VPS54: variants seen among roughly 807,000 people sequenced by gnomAD.
VPS54 encodes the protein vacuolar protein sorting-associated protein 54.
A neutral mutation model predicts 121.5 loss-of-function variants in VPS54; 45 were observed. The ratio of observed to expected loss-of-function variants is 0.37; its 90% CI spans 0.29 to 0.47. The LOEUF is 0.47. Among genes scored for constraint, VPS54 ranks in the 20% least tolerant of loss-of-function variants. VPS54 has a pLI of 0.99. For missense variants in VPS54, 1,090 were observed against 1,131.4 expected (o/e 0.96, Z 0.52); for synonymous variants, 371 against 385.8 (o/e 0.96, Z 0.45).
At chr2:63,964,168 T>C (rs1225754742) in intron 6 of VPS54, among the ~76,000 whole-genome samples, 2 of 152,202 alleles carry the variant, frequency 1.3e-5, no homozygotes, top group Non-Finnish European at 2.9e-5. Context: ...TGGAATCCTG[T>C]CTTCTATTCC....
intron 15 of VPS54, among the ~76,000 whole-genome samples, chr2:63,919,537 C>G (rs1346141024): frequency 6.6e-6 from 1 of 151,858 alleles, no homozygotes; most frequent in African/African-American, 2.4e-5. Flanking sequence ...GTTTCAAATC[C>G]CAACTCATCA....
At chr2:63,940,620 A>G (rs1430126894) in intron 11 of VPS54, among the ~76,000 whole-genome samples, 1 of 152,200 alleles carries the variant, frequency 6.6e-6, no homozygotes, top group Non-Finnish European at 1.5e-5. Flanking sequence ...ATTGAAGGAA[A>G]TGTTTCACTA....
chr2:63,981,042 T>C (rs577270361), intron 3 of VPS54, among the ~76,000 whole-genome samples: 2 of 152,206 alleles, frequency 1.3e-5, no homozygotes, highest in South Asian at 2.1e-4. Context: ...TTAGGCTTGC[T>C]AATGAAAAAA....
At chr2:63,938,512 T>A (rs2104499699) in intron 11 of VPS54, among the ~76,000 whole-genome samples, 1 of 152,120 alleles carries the variant, frequency 6.6e-6, no homozygotes, top group African/African-American at 2.4e-5. Flanking sequence ...TCACCCAAGC[T>A]GGAGTGCAGT....
chr2:63,960,189 G>A (rs1675691179), intron 7 of VPS54, among the ~76,000 whole-genome samples: 1 of 152,066 alleles, frequency 6.6e-6, no homozygotes, highest in South Asian at 2.1e-4. Flanking sequence ...AGTGAGCTAA[G>A]AGCGCACCAC....
intron 11 of VPS54, among the ~76,000 whole-genome samples, chr2:63,942,077 A>G (rs1419603803): frequency 2.0e-5 from 3 of 151,766 alleles, no homozygotes; most frequent in African/African-American, 7.3e-5. Flanking sequence ...ATTTGAATAT[A>G]AACAATATAT....
At chr2:63,953,709 GGATA>G (rs957198592) in intron 7 of VPS54, among the ~76,000 whole-genome samples, 1 of 152,100 alleles carries the variant, frequency 6.6e-6, no homozygotes, top group Non-Finnish European at 1.5e-5. Flanking sequence ...ATAGATGGAT[GGATA>G]GATAGATACA....
chr2:63,974,853 CAT>C (rs1388099544), intron 3 of VPS54: 9 of 995,776 alleles, frequency 9.0e-6, no homozygotes, highest in Admixed American at 3.1e-5. Flanking sequence ...GGATTTTCCA[CAT>C]AGACGATCAT....
In VPS54 at chr2:63,893,223, C is replaced by T. The variant is rs1356839693; in HGVS notation, c.*207G>A. The T allele has an allele frequency of 3.2e-6, 2 of 632,358 alleles. No individual in the cohort carries two copies. The highest frequency in any genetic ancestry group is 3.6e-5 in the African/African-American group (2 of 55,092). 39.2% of individuals were successfully genotyped at this position (632,358 alleles called of 1,614,324 possible). On this transcript the variant is annotated 3_prime_UTR_variant, in exon 23 of 23. Coordinates refer to ENST00000272322, the MANE Select transcript of VPS54 (RefSeq NM_016516.3). ...AATGTTATAGACACCTGATCAGTTA[C>T]TCCTCACTGTAGGATGCACAAAAAT... is the stretch of plus-strand genomic sequence containing the variant.
At chr2:64,005,355 G>A (rs539771177) in intron 1 of VPS54, among the ~76,000 whole-genome samples, 16 of 149,060 alleles carry the variant, frequency 1.1e-4, no homozygotes, top group East Asian at 8.0e-4. Flanking sequence ...CGCCCGCCTC[G>A]GCCTCCCAAA....
At chr2:63,897,426 C>T (rs1672491950) in intron 22 of VPS54, 70 bp downstream of exon 22, 4 of 1,111,192 alleles carry the variant, frequency 3.6e-6, no homozygotes, top group Non-Finnish European at 5.2e-6. Context: ...AAGGATGGCA[C>T]AAATAATCAA....
chr2:63,912,292 T>C (rs911335576), intron 20 of VPS54, 53 bp downstream of exon 20: 20 of 1,417,938 alleles, frequency 1.4e-5, no homozygotes, highest in African/African-American at 1.0e-4. Context: ...CCTTATAAAA[T>C]AGAAAATCAT....
intron 22 of VPS54, among the ~76,000 whole-genome samples, chr2:63,894,747 A>G (rs1237113010): frequency 1.3e-5 from 2 of 152,190 alleles, no homozygotes; most frequent in East Asian, 1.9e-4. Context: ...ACAGCAGTCA[A>G]AAACAGACTA....
At chr2:64,016,324 T>C (rs1346600502) in intron 1 of VPS54, among the ~76,000 whole-genome samples, 1 of 152,214 alleles carries the variant, frequency 6.6e-6, no homozygotes, top group African/African-American at 2.4e-5. Flanking sequence ...GGTGATCAGT[T>C]GCTTATTCCC....
rs1198319776 is a variant in VPS54 at position 63,942,977 on chromosome 2, G to A, written c.1302-416C>T. Reference sequence around the variant, plus strand: ...CCCTGGAACCACAACACAATGCCTTGGTTTAAAATAGCAGCAGCTTATTGG... The same window carrying A: ...CCCTGGAACCACAACACAATGCCTTAGTTTAAAATAGCAGCAGCTTATTGG... On this transcript the variant is annotated intron_variant, in intron 10 of 22. Transcript: ENST00000272322. Among the ~76,000 whole-genome samples the A allele has an allele frequency of 2.6e-5, 4 of 152,280 alleles. No homozygotes were observed. In the East Asian group the frequency reaches 7.7e-4, roughly 29 times the overall value.
At chr2:63,907,499 CAA>C (rs1006040414) in intron 20 of VPS54, among the ~76,000 whole-genome samples, 51 of 113,178 alleles carry the variant, frequency 4.5e-4, no homozygotes, top group African/African-American at 1.6e-3. Flanking sequence ...GCCTGGGCAA[CAA>C]GAGAGAAACT....
chr2:63,901,525 G>A (rs1672678826), intron 20 of VPS54, among the ~76,000 whole-genome samples: 1 of 152,174 alleles, frequency 6.6e-6, no homozygotes, highest in Non-Finnish European at 1.5e-5. Flanking sequence ...GAGGATCAAA[G>A]GGAGAAGATC....
At chr2:63,934,771 C>G (rs138602784) in intron 11 of VPS54, among the ~76,000 whole-genome samples, 1 of 152,174 alleles carries the variant, frequency 6.6e-6, no homozygotes, top group Non-Finnish European at 1.5e-5. Context: ...TTCCATGACA[C>G]TGTAATCCTA....
chr2:63,928,641 T>C (rs1447725177), intron 12 of VPS54, among the ~76,000 whole-genome samples: 4 of 151,986 alleles, frequency 2.6e-5, no homozygotes, highest in African/African-American at 9.7e-5. Flanking sequence ...AATGACAGGA[T>C]CAAATTCACA....
Sources: allele counts gnomAD v4.1 joint callset (sites outside exome capture counted in the v4.1 genomes callset), GRCh38; gene constraint gnomAD v4.1.1; transcripts MANE v1.5; gene names NCBI Gene and HGNC (gene_info 2026-07-23, HGNC 2026-07-21).